WDR70: variants seen among roughly 807,000 people sequenced by gnomAD.
The protein encoded by WDR70 is WD repeat-containing protein 70.
Under a neutral mutation model 88.6 loss-of-function variants are expected in WDR70, and 53 were observed. The ratio of observed to expected loss-of-function variants is 0.60; its 90% CI spans 0.48 to 0.75. The LOEUF (loss-of-function observed/expected upper bound fraction) is 0.75. Among genes scored for constraint, WDR70 ranks in the 30% least tolerant of loss-of-function variants. The pLI is 0.00. For synonymous variants in WDR70, 280 were observed against 270.0 expected (o/e 1.04, Z -0.36); for missense variants, 610 against 823.2 (o/e 0.74, Z 3.17).
intron 13 of WDR70, among the ~76,000 whole-genome samples, chr5:37,706,914 T>C (rs1747344346): frequency 6.6e-6 from 1 of 152,192 alleles, no homozygotes; most frequent in East Asian, 1.9e-4. Flanking sequence ...TTTATGCTTT[T>C]TATGTATTAT....
chr5:37,479,303 G>A (rs1282296006), intron 7 of WDR70, among the ~76,000 whole-genome samples: 1 of 151,838 alleles, frequency 6.6e-6, no homozygotes, highest in African/African-American at 2.4e-5. Context: ...TTAATAGATT[G>A]CAGTGGAGAG....
At chr5:37,690,561 T>C (rs1243265442) in intron 10 of WDR70, among the ~76,000 whole-genome samples, 4 of 152,176 alleles carry the variant, frequency 2.6e-5, no homozygotes, top group African/African-American at 4.8e-5. Flanking sequence ...TATTCAACAT[T>C]CTTAAAGAAA....
chr5:37,546,584 A>C (rs1341444758), intron 9 of WDR70, among the ~76,000 whole-genome samples: 1 of 152,206 alleles, frequency 6.6e-6, no homozygotes, highest in East Asian at 1.9e-4. Flanking sequence ...TATCATTAGT[A>C]CATCTTGAAG....
At chr5:37,693,489 C>T (rs1263670757) in intron 10 of WDR70, among the ~76,000 whole-genome samples, 3 of 152,194 alleles carry the variant, frequency 2.0e-5, no homozygotes, top group Non-Finnish European at 4.4e-5. Context: ...ACCAAAACAG[C>T]ATGGTACTGG....
At chr5:37,437,533 T>C (rs897446132) in intron 5 of WDR70, among the ~76,000 whole-genome samples, 8 of 152,140 alleles carry the variant, frequency 5.3e-5, no homozygotes, top group Non-Finnish European at 2.9e-5. Flanking sequence ...TTTTCGCTCC[T>C]CTTGATAAAC....
At chr5:37,416,335 C>T (rs1185715555) in intron 5 of WDR70, among the ~76,000 whole-genome samples, 1 of 152,172 alleles carries the variant, frequency 6.6e-6, no homozygotes, top group Non-Finnish European at 1.5e-5. Flanking sequence ...ACAGCGAAAC[C>T]CCGTCTCCAC....
intron 9 of WDR70, among the ~76,000 whole-genome samples, chr5:37,547,536 T>A (rs1391133401): frequency 1.3e-5 from 2 of 152,194 alleles, no homozygotes; most frequent in Non-Finnish European, 2.9e-5. Context: ...TATATATTTA[T>A]GGGGTACATG....
chr5:37,393,717 GTCA>G (rs1748919151), intron 4 of WDR70, among the ~76,000 whole-genome samples: 2 of 151,954 alleles, frequency 1.3e-5, no homozygotes, highest in Admixed American at 1.3e-4. Flanking sequence ...GTTTCACTCG[GTCA>G]CCCAGGCTGG....
At chr5:37,472,168 TTTGCCA>T (rs1426960411) in intron 7 of WDR70, among the ~76,000 whole-genome samples, 1 of 151,964 alleles carries the variant, frequency 6.6e-6, no homozygotes, top group Non-Finnish European at 1.5e-5. Context: ...TATGCAAGAT[TTTGCCA>T]TTCTTAAAGC....
At chr5:37,525,483 T>C (rs1011100977) in intron 9 of WDR70, among the ~76,000 whole-genome samples, 1 of 152,180 alleles carries the variant, frequency 6.6e-6, no homozygotes, top group East Asian at 1.9e-4. Context: ...TAAAGCAGTG[T>C]ATAGAGGGAA....
intron 16 of WDR70, among the ~76,000 whole-genome samples, chr5:37,725,998 A>G (rs973124344): frequency 2.0e-5 from 3 of 152,078 alleles, no homozygotes; most frequent in Non-Finnish European, 2.9e-5. Flanking sequence ...TGTTGGTTCA[A>G]TCCTGTCCCC....
In WDR70 at chr5:37,617,184, T is replaced by G. The variant is rs1271247121; in HGVS notation, c.1092+11946T>G. Among the ~76,000 whole-genome samples, 3 of 152,204 alleles carry G rather than the reference T, an allele frequency of 2.0e-5. No individual in the cohort carries two copies. The East Asian group carries it at 5.8e-4, about 29-fold the overall frequency. On this transcript the variant is annotated intron_variant, in intron 10 of 17. Coordinates refer to ENST00000265107, the MANE Select transcript of WDR70 (RefSeq NM_018034.4). Reference sequence around the variant, plus strand: ...CATGTTTTAGATGAGAAAACTGAAGTACAGCAGTGAAGGGTTTAACAACTC... The same window carrying G: ...CATGTTTTAGATGAGAAAACTGAAGGACAGCAGTGAAGGGTTTAACAACTC...
chr5:37,392,403 C>T (rs1217575615), intron 4 of WDR70, among the ~76,000 whole-genome samples: 4 of 151,894 alleles, frequency 2.6e-5, no homozygotes, highest in African/African-American at 4.8e-5. Context: ...AGGGTGGTCT[C>T]GAACTCCTGA....
At chr5:37,583,022 A>G (rs1387411808) in intron 9 of WDR70, among the ~76,000 whole-genome samples, 2 of 152,144 alleles carry the variant, frequency 1.3e-5, no homozygotes, top group African/African-American at 4.8e-5. Context: ...GCTTTTCTGG[A>G]TCTACTTTAT....
chr5:37,540,981 C>T (rs62359015), intron 9 of WDR70, among the ~76,000 whole-genome samples: 1 of 152,172 alleles, frequency 6.6e-6, no homozygotes, highest in Admixed American at 6.6e-5. Flanking sequence ...ATGCTTTCCC[C>T]ATCTATTGGT....
At chr5:37,585,648 T>C (rs915511054) in intron 9 of WDR70, among the ~76,000 whole-genome samples, 5 of 152,162 alleles carry the variant, frequency 3.3e-5, no homozygotes, top group African/African-American at 1.2e-4. Flanking sequence ...AAAAATACCA[T>C]CATTCTGCTC....
chr5:37,435,276 T>C (rs1228258631), intron 5 of WDR70, among the ~76,000 whole-genome samples: 4 of 152,200 alleles, frequency 2.6e-5, no homozygotes, highest in Non-Finnish European at 5.9e-5. Flanking sequence ...AAAGTAGTTA[T>C]GAAATGAGGT....
rs75152428 is a variant in WDR70 at position 37,519,499 on chromosome 5, C to T, written c.917+2909C>T. On this transcript the variant is annotated intron_variant, in intron 9 of 17. Transcript: ENST00000265107. ...AGGCGCTCCTACATCCCAGACTGGG[C>T]GGCCGGGCGGAGGCGCTCCTCACCT... is the stretch of plus-strand genomic sequence containing the variant. Among the ~76,000 whole-genome samples the T allele has an allele frequency of 9.4e-4, 123 of 130,208 alleles. No homozygotes were observed. In the South Asian group the frequency reaches 0.021, roughly 23 times the overall value. 85.4% of individuals were successfully genotyped at this position (130,208 alleles called of 152,430 possible).
intron 9 of WDR70, among the ~76,000 whole-genome samples, chr5:37,553,662 C>A (rs1742212112): frequency 6.6e-6 from 1 of 152,152 alleles, no homozygotes; most frequent in Non-Finnish European, 1.5e-5. Flanking sequence ...TACGCAGTCA[C>A]AAGTTCATTA....
Sources: gnomAD v4.1 joint callset for allele counts (sites outside exome capture counted in the v4.1 genomes callset) on GRCh38, gnomAD v4.1.1 for gene constraint, MANE v1.5 for transcripts, NCBI Gene and HGNC (gene_info 2026-07-23, HGNC 2026-07-21) for gene names.